Variants in ALG6 observed in about 807,000 individuals in gnomAD.
ALG6 encodes the protein ALG6 alpha-1,3-glucosyltransferase, also known as dolichyl pyrophosphate Man9GlcNAc2 alpha-1,3-glucosyltransferase.
ALG6 carries 46 observed loss-of-function variants against 66.6 expected under a neutral mutation model. The ratio of observed to expected loss-of-function variants is 0.69; its 90% CI spans 0.55 to 0.88. ALG6 has a LOEUF of 0.88. Ranked by LOEUF, ALG6 falls within the 40% of genes least tolerant of loss-of-function variation. The probability of loss-of-function intolerance (pLI) is 0.00; values close to 1 mark genes in which losing one functional copy is unlikely to be tolerated. For synonymous variants in ALG6, 185 were observed against 203.7 expected, an observed-to-expected ratio of 0.91 and a Z score of 0.78; for missense variants, 505 against 586.8, an observed-to-expected ratio of 0.86 and a Z score of 1.44.
rs146094200 is a variant in ALG6 at position 63,419,387 on chromosome 1, A to C, written c.1005A>C (p.Ser335=). 3 of 1,609,952 alleles carry C rather than the reference A, an allele frequency of 1.9e-6. No homozygotes were observed. The highest frequency in any genetic ancestry group is 3.3e-5 in the Admixed American group (2 of 59,812). ...TCTTAAAGGTTAGCTGTGCGCTATC[A>C]TTCTTTTTATTTTCTTTCCAAGTAC... ...FKFTLVSCAL[S]FFLFSFQVHE... is the part of the protein sequence containing the mutation. The change falls in exon 12 of 15, where the codon TCA becomes TCC. Residue 335 remains serine (S), a synonymous_variant. Transcript: ENST00000263440.
At chr1:63,415,107 T>G (rs1019590150) in intron 10 of ALG6, among the ~76,000 whole-genome samples, 1 of 152,166 alleles carries the variant, frequency 6.6e-6, no homozygotes, top group East Asian at 1.9e-4. Context: ...CCAAATCTTA[T>G]GAGAATTTCC....
At chr1:63,391,612 T>A (rs1648675265) in intron 2 of ALG6, among the ~76,000 whole-genome samples, 1 of 152,176 alleles carries the variant, frequency 6.6e-6, no homozygotes, top group Non-Finnish European at 1.5e-5. Context: ...TATGCCAAGG[T>A]GCCAGATTTT....
chr1:63,403,886 G>A (rs1054078349), intron 4 of ALG6, among the ~76,000 whole-genome samples: 8 of 152,092 alleles, frequency 5.3e-5, no homozygotes, highest in Non-Finnish European at 8.8e-5. Context: ...CTGAAATGTC[G>A]TTATGCGGTG....
intron 7 of ALG6, among the ~76,000 whole-genome samples, chr1:63,408,751 G>A (rs1461222159): frequency 1.3e-5 from 2 of 152,192 alleles, no homozygotes; most frequent in Non-Finnish European, 2.9e-5. Flanking sequence ...AAGGCTTTCA[G>A]GCATATGTTA....
intron 4 of ALG6, among the ~76,000 whole-genome samples, chr1:63,403,652 G>A (rs1202243487): frequency 6.6e-6 from 1 of 150,856 alleles, no homozygotes; most frequent in African/African-American, 2.5e-5. Context: ...ACATCATAGA[G>A]GGTACTTTAG....
Position 63,414,153 on chromosome 1 carries a change from G to A in ALG6, c.902+7G>A. On this transcript the variant is annotated splice_region_variant and intron_variant, in intron 10 of 14. Coordinates refer to ENST00000263440, the MANE Select transcript of ALG6 (RefSeq NM_013339.4). Reference sequence around the variant, plus strand: ...ACATCCAATTAATAATGAGGTAAGAGAAACAAAGTTTGTATGTAGTATTTT... The same window carrying A: ...ACATCCAATTAATAATGAGGTAAGAAAAACAAAGTTTGTATGTAGTATTTT... 6.4e-7 allele frequency: 1 copy of A among 1,570,944 alleles called. No homozygotes were observed.
intron 3 of ALG6, among the ~76,000 whole-genome samples, chr1:63,397,315 A>G (rs1294560277): frequency 6.6e-6 from 1 of 151,768 alleles, no homozygotes; most frequent in Non-Finnish European, 1.5e-5. Flanking sequence ...CCTCCCAAGT[A>G]TCTGGGATTG....
At chr1:63,423,794 T>C (rs1644600400) in intron 12 of ALG6, among the ~76,000 whole-genome samples, 1 of 152,208 alleles carries the variant, frequency 6.6e-6, no homozygotes, top group Admixed American at 6.5e-5. Context: ...AGTGCCACTG[T>C]GAATATTCAT....
intron 2 of ALG6, among the ~76,000 whole-genome samples, chr1:63,375,410 A>ATTTT (rs766565038): frequency 3.9e-5 from 3 of 77,068 alleles, no homozygotes; most frequent in African/African-American, 1.0e-4. Context: ...CACCCCCGGC[A>ATTTT]TTTTTTTTTT....
At chr1:63,426,546 T>TATAC (rs1394170244) in intron 12 of ALG6, among the ~76,000 whole-genome samples, 2 of 152,126 alleles carry the variant, frequency 1.3e-5, no homozygotes, top group African/African-American at 4.8e-5. Context: ...TGCTTATATG[T>TATAC]AGTAAGTTTT....
At position 63,422,256 on chromosome 1, in the gene ALG6, T is replaced by TATATAAATATAA. The variant is rs1557595001; in HGVS notation, c.1058+2821_1058+2822insAATATAAATATA. 1.1e-4 allele frequency among the ~76,000 whole-genome samples: 12 copies of TATATAAATATAA among 110,598 alleles called. 2 individuals carry two copies. Among genetic ancestry groups the TATATAAATATAA allele is most frequent in the African/African-American group, 4.5e-4 (12 of 26,428 alleles). 72.6% of individuals were successfully genotyped at this position (110,598 alleles called of 152,430 possible). ...AAATATATATATAAATATATATATT[T>TATATAAATATAA]ATATAGATATAAATATATATATAAA... On this transcript the variant is annotated intron_variant, in intron 12 of 14. Coordinates refer to ENST00000263440, the MANE Select transcript of ALG6 (RefSeq NM_013339.4).
chr1:63,420,887 G>A (rs1048930493), intron 12 of ALG6, among the ~76,000 whole-genome samples: 4 of 150,814 alleles, frequency 2.7e-5, no homozygotes, highest in African/African-American at 9.7e-5. Flanking sequence ...TTAAATAAAA[G>A]TTCCTTTTGA....
At position 63,372,418 on chromosome 1, in the gene ALG6, C is replaced by T. The variant is rs79980432; in HGVS notation, c.82+1359C>T. 3.1e-3 allele frequency among the ~76,000 whole-genome samples: 465 copies of T among 151,570 alleles called. 4 individuals carry two copies. Among genetic ancestry groups the T allele is most frequent in the African/African-American group, 9.5e-3 (390 of 41,266 alleles). ...TCTCTACTTACACATTTACTATATACGAAGATACATATATGGAAATTTATA... is the reference window on the plus strand; with the variant it reads ...TCTCTACTTACACATTTACTATATATGAAGATACATATATGGAAATTTATA... On this transcript the variant is annotated intron_variant, in intron 2 of 14. Transcript: ENST00000263440.
chr1:63,373,658 A>ATTTTTT (rs34012518), intron 2 of ALG6, among the ~76,000 whole-genome samples: 1 of 131,250 alleles, frequency 7.6e-6, no homozygotes, highest in African/African-American at 2.9e-5. Flanking sequence ...TTTAATTTAC[A>ATTTTTT]TTTTTTTTTT....
At chr1:63,401,053 G>A (rs536455434) in intron 3 of ALG6, among the ~76,000 whole-genome samples, 8 of 152,144 alleles carry the variant, frequency 5.3e-5, no homozygotes, top group African/African-American at 1.4e-4. Flanking sequence ...TCTTAGACTC[G>A]CTGCTTCTTG....
intron 8 of ALG6, 55 bp downstream of exon 8, chr1:63,411,386 G>A: frequency 6.5e-7 from 1 of 1,529,944 alleles, no homozygotes; most frequent in Non-Finnish European, 9.0e-7. Context: ...AATTTTTTTG[G>A]CATACTTACT....
intron 5 of ALG6, 84 bp downstream of exon 5, chr1:63,404,625 A>G: frequency 9.1e-7 from 1 of 1,095,966 alleles, no homozygotes; most frequent in South Asian, 1.3e-5. Context: ...TATTGTTCTT[A>G]CTGACTTTAA....
rs1423728177 is a variant in ALG6 at position 63,373,972 on chromosome 1, A to G, written c.82+2913A>G. 4.6e-5 allele frequency among the ~76,000 whole-genome samples: 7 copies of G among 152,200 alleles called. No homozygotes were observed. In the South Asian group the frequency reaches 8.3e-4, roughly 18 times the overall value. On this transcript the variant is annotated intron_variant, in intron 2 of 14. Coordinates refer to ENST00000263440, the MANE Select transcript of ALG6 (RefSeq NM_013339.4). Reference sequence around the variant, plus strand: ...GTTTCTCTTTATTCAGCATGAATTTAAAGGATTTATAGAAAGAACTTGTAA... The same window carrying G: ...GTTTCTCTTTATTCAGCATGAATTTGAAGGATTTATAGAAAGAACTTGTAA...
Position 63,400,115 on chromosome 1 carries a change from A to T in ALG6, c.168-2139A>T, listed in dbSNP as rs567425961. 4.5e-3 allele frequency among the ~76,000 whole-genome samples: 656 copies of T among 145,728 alleles called. 4 individuals are homozygous for T. Among genetic ancestry groups the T allele is most frequent in the Non-Finnish European group, 7.7e-3 (517 of 66,744 alleles). On this transcript the variant is annotated intron_variant, in intron 3 of 14. Coordinates refer to ENST00000263440, the MANE Select transcript of ALG6 (RefSeq NM_013339.4). The stretch of plus-strand genomic sequence containing the variant: ...AGGCTGAGGCAGGAGAATCGCTTGA[A>T]CCTGGGAGGCGGAGGTTGCAGTGAA...
Sources: gnomAD v4.1 joint callset for allele counts (sites outside exome capture counted in the v4.1 genomes callset) on GRCh38, gnomAD v4.1.1 for gene constraint, MANE v1.5 for transcripts, NCBI Gene and HGNC (gene_info 2026-07-23, HGNC 2026-07-21) for gene names.